Variants in SNTG2 observed in about 807,000 individuals in gnomAD.
The protein encoded by SNTG2 is syntrophin gamma 2.
SNTG2 carries 74 observed loss-of-function variants against 70.9 expected under a neutral mutation model. The ratio of observed to expected loss-of-function variants is 1.04; its 90% CI spans 0.86 to 1.27. The LOEUF is 1.27. Among genes scored for constraint, SNTG2 ranks in the 50% most tolerant of loss-of-function variants. SNTG2 has a pLI of 0.00. For missense variants in SNTG2, 717 were observed against 690.7 expected (o/e 1.04, Z -0.43); for synonymous variants, 278 against 273.8 (o/e 1.02, Z -0.15).
At chr2:1,319,683 A>T (rs1681435944) in intron 16 of SNTG2, among the ~76,000 whole-genome samples, 1 of 152,244 alleles carries the variant, frequency 6.6e-6, no homozygotes, top group African/African-American at 2.4e-5. Flanking sequence ...GGATGACAGC[A>T]TTTCCCACCT....
intron 4 of SNTG2, among the ~76,000 whole-genome samples, chr2:1,116,751 GTGGTGTGTCAGTGCCC>G (rs1667016363): frequency 2.3e-5 from 2 of 88,048 alleles, no homozygotes; most frequent in African/African-American, 4.5e-5. Context: ...TATGGGTGCC[GTGGTGTGTCAGTGCCC>G]TGGTGTGTGG....
At chr2:1,295,427 A>T (rs889505983) in intron 14 of SNTG2, among the ~76,000 whole-genome samples, 1 of 152,186 alleles carries the variant, frequency 6.6e-6, no homozygotes, top group African/African-American at 2.4e-5. Flanking sequence ...TACCCATTTT[A>T]GTAACTTCAG....
Position 1,045,206 on chromosome 2 carries a change from G to T in SNTG2, c.73-38312G>T, listed in dbSNP as rs181699936. Among the ~76,000 whole-genome samples the T allele has an allele frequency of 1.4e-4, 22 of 151,922 alleles. 1 individual carries two copies. The East Asian group carries it at 4.3e-3, about 29-fold the overall frequency. ...GTGGTGTTCATAGTAGTTTCAGAGG[G>T]TTTTTTGTATTTCTGTGGAGATAGT... is the stretch of plus-strand genomic sequence containing the variant. On this transcript the variant is annotated intron_variant, in intron 1 of 16. Coordinates refer to ENST00000308624, the MANE Select transcript of SNTG2 (RefSeq NM_018968.4).
chr2:1,245,804 G>C (rs1677388434), intron 11 of SNTG2, among the ~76,000 whole-genome samples: 1 of 152,188 alleles, frequency 6.6e-6, no homozygotes, highest in African/African-American at 2.4e-5. Flanking sequence ...GGCTTTTCCA[G>C]GTATGAATGT....
At chr2:1,223,912 G>A (rs552406386) in intron 9 of SNTG2, among the ~76,000 whole-genome samples, 3 of 131,906 alleles carry the variant, frequency 2.3e-5, no homozygotes, top group East Asian at 2.0e-4. Context: ...TGCGTCCCTC[G>A]AGCTCTGGAG....
chr2:1,203,666 A>C (rs1338419046), intron 8 of SNTG2, among the ~76,000 whole-genome samples: 9 of 134,298 alleles, frequency 6.7e-5, no homozygotes, highest in Non-Finnish European at 1.2e-4. Flanking sequence ...AAACAAACAA[A>C]AAAAAAAATA....
At chr2:1,105,394 A>C (rs4482521) in intron 4 of SNTG2, among the ~76,000 whole-genome samples, 55,493 of 152,054 alleles carry the variant, frequency 0.36, 10,424 homozygotes, top group East Asian at 0.53. Flanking sequence ...TTAGGTGCTT[A>C]GACATTTAAA....
At chr2:1,086,664 G>A (rs1356911793) in intron 2 of SNTG2, among the ~76,000 whole-genome samples, 1 of 152,202 alleles carries the variant, frequency 6.6e-6, no homozygotes, top group African/African-American at 2.4e-5. Context: ...AGGACCCTGT[G>A]GAGATCCTAA....
chr2:1,328,381 A>C (rs1057466269), intron 16 of SNTG2, among the ~76,000 whole-genome samples: 3 of 152,248 alleles, frequency 2.0e-5, no homozygotes, highest in African/African-American at 7.2e-5. Flanking sequence ...GAATTTAATA[A>C]AAAAGAATAG....
chr2:1,361,227 A>G (rs561190099), intron 16 of SNTG2, among the ~76,000 whole-genome samples: 1 of 152,330 alleles, frequency 6.6e-6, no homozygotes, highest in East Asian at 1.9e-4. Context: ...CTGTGACATT[A>G]TGATTACATC....
At chr2:1,180,738 A>G (rs1213801123) in intron 8 of SNTG2, among the ~76,000 whole-genome samples, 4 of 151,752 alleles carry the variant, frequency 2.6e-5, no homozygotes, top group African/African-American at 9.7e-5. Context: ...AAAGGATTAT[A>G]AATCATGCTG....
intron 14 of SNTG2, among the ~76,000 whole-genome samples, chr2:1,306,512 G>C (rs936938577): frequency 6.6e-6 from 1 of 152,230 alleles, no homozygotes; most frequent in Non-Finnish European, 1.5e-5. Context: ...AGCCTCCCGA[G>C]CTATGCAGCC....
chr2:1,185,945 T>C (rs1423297420), intron 8 of SNTG2, among the ~76,000 whole-genome samples: 2 of 152,252 alleles, frequency 1.3e-5, no homozygotes, highest in African/African-American at 4.8e-5. Context: ...CTGCAAATTT[T>C]CCAAACTTTA....
chr2:1,015,076 G>C (rs1659846577), intron 1 of SNTG2, among the ~76,000 whole-genome samples: 1 of 152,156 alleles, frequency 6.6e-6, no homozygotes, highest in South Asian at 2.1e-4. Flanking sequence ...GCGGGGCTGA[G>C]ACGCAGGCGG....
chr2:1,202,010 T>G (rs2147970488), intron 8 of SNTG2, among the ~76,000 whole-genome samples: 1 of 152,110 alleles, frequency 6.6e-6, no homozygotes, highest in South Asian at 2.1e-4. Context: ...TAAAAATAAA[T>G]TCAAGTTGAG....
chr2:1,232,316 TC>T (rs908753492), intron 9 of SNTG2, among the ~76,000 whole-genome samples: 35 of 152,098 alleles, frequency 2.3e-4, no homozygotes, highest in African/African-American at 8.2e-4. Context: ...CTTTTTTTTT[TC>T]CCCTGAGACG....
rs1188237564 is a variant in SNTG2, at chr2:1,330,080, A to G, written c.1488+13705A>G. Among the ~76,000 whole-genome samples the G allele has an allele frequency of 5.3e-5, 8 of 152,142 alleles. No individual in the cohort carries two copies. The South Asian group carries it at 1.2e-3, about 24-fold the overall frequency. ...GGAGGAGAGGAGGCCAGGAAGCTCT[A>G]TCTTTGTACACTGCTGTTCCGCCAT... On this transcript the variant is annotated intron_variant, in intron 16 of 16. Coordinates refer to ENST00000308624, the MANE Select transcript of SNTG2 (RefSeq NM_018968.4).
chr2:1,167,369 A>C (rs1223963164), intron 7 of SNTG2, among the ~76,000 whole-genome samples: 1 of 150,404 alleles, frequency 6.6e-6, no homozygotes, highest in African/African-American at 2.4e-5. Flanking sequence ...CAGGCCGCCC[A>C]CGGATGGCAG....
In SNTG2 at chr2:1,353,351, G is replaced by C. The variant is rs933433493; in HGVS notation, c.1489-13992G>C. ...AGGAAGTGCCTGGGGCCCTGGCTTGGACTCTCTGCAGCACCGCAAGTGTGG... is the reference window on the plus strand; with the variant it reads ...AGGAAGTGCCTGGGGCCCTGGCTTGCACTCTCTGCAGCACCGCAAGTGTGG... On this transcript the variant is annotated intron_variant, in intron 16 of 16. Transcript: ENST00000308624. The surrounding 1 kb of genome is among the most constrained non-coding windows in gnomAD (Gnocchi z 4.2). Among the ~76,000 whole-genome samples, 1 of 152,170 alleles carries C rather than the reference G, an allele frequency of 6.6e-6. No homozygotes were observed. The highest frequency in any genetic ancestry group is 6.5e-5 in the Admixed American group (1 of 15,282).
Sources: allele counts gnomAD v4.1 joint callset (sites outside exome capture counted in the v4.1 genomes callset), GRCh38; gene constraint gnomAD v4.1.1; non-coding constraint Gnocchi (gnomAD v3.1); transcripts MANE v1.5; gene names NCBI Gene and HGNC (gene_info 2026-07-23, HGNC 2026-07-21).